The following STAT4 variants were observed in gnomAD, a reference collection of about 807,000 sequenced individuals.
The protein encoded by STAT4 is signal transducer and activator of transcription 4.
In STAT4, 42 loss-of-function variants were observed where a neutral mutation model predicts 110.5. The ratio of observed to expected loss-of-function variants is 0.38; its 90% CI spans 0.30 to 0.49. The LOEUF is 0.49. Among genes scored for constraint, STAT4 ranks in the 20% least tolerant of loss-of-function variants. STAT4 has a pLI of 0.95. For missense variants in STAT4, 632 were observed against 887.9 expected (o/e 0.71, Z 3.66); for synonymous variants, 284 against 302.2 (o/e 0.94, Z 0.63).
rs6147087 is a variant in STAT4 at position 191,125,476 on chromosome 2, T to TTTA, written c.273+21134_273+21136dup. ...AGCCATTGGCTGTGGATCCTCATTATTTATTATTATTATTATTATTATTAT... is the reference window on the plus strand; with the variant it reads ...AGCCATTGGCTGTGGATCCTCATTATTTATTATTATTATTATTATTATTATTAT... On this transcript the variant is annotated intron_variant, in intron 3 of 23. Coordinates refer to ENST00000392320, the MANE Select transcript of STAT4 (RefSeq NM_003151.4). Among the ~76,000 whole-genome samples the TTTA allele has an allele frequency of 8.6e-3, 1,188 of 137,992 alleles. 19 individuals are homozygous for TTTA. The highest frequency in any genetic ancestry group is 0.027 in the East Asian group (129 of 4,746). The allele number at this position is 137,992 out of a possible 152,430, so 90.5% of individuals were successfully genotyped here.
At chr2:191,041,227 AATAT>A in intron 14 of STAT4, 79 bp from the exon 15 acceptor site, 1 of 615,482 alleles carries the variant, frequency 1.6e-6, no homozygotes, top group Non-Finnish European at 2.3e-6. Flanking sequence ...TATATAAATT[AATAT>A]ATTTATTAAT....
At chr2:191,089,193 C>G (rs185087044) in intron 3 of STAT4, among the ~76,000 whole-genome samples, 6 of 151,948 alleles carry the variant, frequency 3.9e-5, no homozygotes, top group Admixed American at 1.3e-4. Context: ...GAATTATTAT[C>G]TAAAATATTT....
Position 191,042,407 on chromosome 2 carries a change from C to G in STAT4, c.1252-1259G>C, listed in dbSNP as rs912820143. ...CTCAGTTTATTCAATAAATATATGG[C>G]ATGTTGAAGGCGCAGATCAACCGTT... is the stretch of plus-strand genomic sequence containing the variant. On this transcript the variant is annotated intron_variant, in intron 14 of 23. Coordinates refer to ENST00000392320, the MANE Select transcript of STAT4 (RefSeq NM_003151.4). The surrounding 1 kb of genome is among the most constrained non-coding windows in gnomAD (Gnocchi z 4.2). Among the ~76,000 whole-genome samples the G allele has an allele frequency of 6.6e-6, 1 of 152,102 alleles. No homozygotes were observed. Among genetic ancestry groups the G allele is most frequent in the African/African-American group, 2.4e-5 (1 of 41,412 alleles).
At chr2:191,047,224 T>C in intron 14 of STAT4, among the ~76,000 whole-genome samples, 1 of 152,122 alleles carries the variant, frequency 6.6e-6, no homozygotes, top group East Asian at 1.9e-4. Flanking sequence ...GCCCTGTGCA[T>C]CTCTTCCACT....
At chr2:191,080,429 T>C (rs1189769177) in intron 3 of STAT4, among the ~76,000 whole-genome samples, 1 of 152,184 alleles carries the variant, frequency 6.6e-6, no homozygotes, top group Non-Finnish European at 1.5e-5. Context: ...TAAAATAATG[T>C]CTTCTGGGCC....
rs899572540 is a variant in STAT4 at position 191,138,557 on chromosome 2, A to G, written c.273+8056T>C. ...AAAACCCTCCTAAATTAAATCAGGAAGAAACAGAAACCCTGAACAGACCAA... is the reference window on the plus strand; with the variant it reads ...AAAACCCTCCTAAATTAAATCAGGAGGAAACAGAAACCCTGAACAGACCAA... On this transcript the variant is annotated intron_variant, in intron 3 of 23. Coordinates refer to ENST00000392320, the MANE Select transcript of STAT4 (RefSeq NM_003151.4). The surrounding 1 kb of genome is among the most constrained non-coding windows in gnomAD (Gnocchi z 4.3). 6.6e-6 allele frequency among the ~76,000 whole-genome samples: 1 copy of G among 152,198 alleles called. No homozygotes were observed. The highest frequency in any genetic ancestry group is 2.4e-5 in the African/African-American group (1 of 41,444).
At chr2:191,064,981 AAG>A (rs752813051) in intron 7 of STAT4, 23 bp from the exon 8 acceptor site, 1 of 1,521,946 alleles carries the variant, frequency 6.6e-7, no homozygotes, top group Non-Finnish European at 8.8e-7. Context: ...GGGACTACTG[AAG>A]AGAGTTTCAT....
chr2:191,054,678 C>G, intron 13 of STAT4, 144 bp from the exon 14 acceptor site: 1 of 642,808 alleles, frequency 1.6e-6, no homozygotes, highest in Non-Finnish European at 2.6e-6. Context: ...TGAAACCTGA[C>G]ACAACTGCCC....
At position 191,034,014 on chromosome 2, in the gene STAT4, A is replaced by G. The variant is rs1394414636; in HGVS notation, c.1621-9T>C. Reference sequence around the variant, plus strand: ...TTACCAGGTAAATGTTCCTACAGGAATAGACAAGCACATTAAGACAATGAT... The same window carrying G: ...TTACCAGGTAAATGTTCCTACAGGAGTAGACAAGCACATTAAGACAATGAT... On this transcript the variant is annotated splice_polypyrimidine_tract_variant and intron_variant, in intron 18 of 23. Coordinates refer to ENST00000392320, the MANE Select transcript of STAT4 (RefSeq NM_003151.4). 3.2e-6 allele frequency: 5 copies of G among 1,551,396 alleles called. No individual in the cohort carries two copies. Among genetic ancestry groups the G allele is most frequent in the Admixed American group, 3.6e-5 (2 of 55,550 alleles).
chr2:191,089,000 A>G (rs1697714257), intron 3 of STAT4, among the ~76,000 whole-genome samples: 1 of 152,238 alleles, frequency 6.6e-6, no homozygotes, highest in African/African-American at 2.4e-5. Context: ...AGAAGATAAC[A>G]GAAAATAATC....
chr2:191,061,677 A>G lies in STAT4; in HGVS notation c.1034+52T>C. ...TGAGAGAAATTGGCCTTGATCATCC[A>G]GAGACTATAGCTCCACAAACACACG... On this transcript the variant is annotated intron_variant, in intron 10 of 23. Coordinates refer to ENST00000392320, the MANE Select transcript of STAT4 (RefSeq NM_003151.4). The surrounding 1 kb of genome is among the most constrained non-coding windows in gnomAD (Gnocchi z 6.2). The G allele has an allele frequency of 6.5e-7, 1 of 1,544,738 alleles. No individual in the cohort carries two copies. The highest frequency in any genetic ancestry group is 9.0e-7 in the Non-Finnish European group (1 of 1,117,280).
chr2:191,134,775 G>A lies in STAT4; in HGVS notation c.273+11838C>T, dbSNP rs1358243125. On this transcript the variant is annotated intron_variant, in intron 3 of 23. Transcript: ENST00000392320. Reference sequence around the variant, plus strand: ...TAAAACCAGAAATCAACAACAAAAGGCACTTTGGAAACTGTACAAATGCAT... The same window carrying A: ...TAAAACCAGAAATCAACAACAAAAGACACTTTGGAAACTGTACAAATGCAT... 3.3e-5 allele frequency among the ~76,000 whole-genome samples: 5 copies of A among 152,180 alleles called. No homozygotes were observed. The East Asian group carries it at 7.7e-4, about 23-fold the overall frequency.
In STAT4 at chr2:191,131,950, G is replaced by A. The variant is rs1699048758; in HGVS notation, c.273+14663C>T. The A allele has an allele frequency of 2.3e-6, 3 of 1,297,216 alleles. No homozygotes were observed. In the African/African-American group the frequency reaches 4.7e-5, roughly 20 times the overall value. 80.4% of individuals were successfully genotyped at this position (1,297,216 alleles called of 1,614,324 possible). On this transcript the variant is annotated intron_variant, in intron 3 of 23. Transcript: ENST00000392320. ...ATTCTCTACACTTGTGGAGGTGTGT[G>A]TTATCTAGATTTACAACTATTCCTG...
At chr2:191,076,739 G>C (rs1238011689) in intron 3 of STAT4, among the ~76,000 whole-genome samples, 1 of 150,486 alleles carries the variant, frequency 6.6e-6, no homozygotes, top group African/African-American at 2.5e-5. Context: ...TCCACCTCCC[G>C]GGTTCAAGTG....
At chr2:191,149,084 C>T (rs1699528480) in intron 1 of STAT4, among the ~76,000 whole-genome samples, 1 of 152,152 alleles carries the variant, frequency 6.6e-6, no homozygotes, top group Admixed American at 6.6e-5. Flanking sequence ...ATGACGCTGC[C>T]TCCTTGAAAT....
In STAT4 at chr2:191,091,040, T is replaced by A. The variant is rs1419028256; in HGVS notation, c.274-14715A>T. On this transcript the variant is annotated intron_variant, in intron 3 of 23. Coordinates refer to ENST00000392320, the MANE Select transcript of STAT4 (RefSeq NM_003151.4). This position sits in a 1 kb window ranked among gnomAD's most constrained non-coding sequence, Gnocchi z 5.4. The stretch of plus-strand genomic sequence containing the variant: ...GCCCTTTGTACAAAGTCAGAGGACC[T>A]GGGTTGGTGGCTCAGTAACCTTTAC... Among the ~76,000 whole-genome samples, 4 of 152,206 alleles carry A rather than the reference T, an allele frequency of 2.6e-5. No individual in the cohort carries two copies. Among genetic ancestry groups the A allele is most frequent in the African/African-American group, 4.8e-5 (2 of 41,448 alleles).
At chr2:191,115,947 G>A (rs1228836604) in intron 3 of STAT4, among the ~76,000 whole-genome samples, 5 of 152,164 alleles carry the variant, frequency 3.3e-5, no homozygotes, top group African/African-American at 1.2e-4. Context: ...ACTTACAGAA[G>A]GCCAGATACA....
In STAT4 at chr2:191,077,200, C is replaced by T. The variant is rs1697340075; in HGVS notation, c.274-875G>A. Among the ~76,000 whole-genome samples, 1 of 152,106 alleles carries T rather than the reference C, an allele frequency of 6.6e-6. No individual in the cohort carries two copies. The highest frequency in any genetic ancestry group is 6.5e-5 in the Admixed American group (1 of 15,268). ...TTGGCAGCCTGTGGGCCTAATTCAG[C>T]CATCAGTTACTTGGTGCAAATTAAA... On this transcript the variant is annotated intron_variant, in intron 3 of 23. Transcript: ENST00000392320. This position sits in a 1 kb window ranked among gnomAD's most constrained non-coding sequence, Gnocchi z 4.1.
rs771385079 is a variant in STAT4 at position 191,069,675 on chromosome 2, GAA to G, written c.544+16_544+17del. 59 of 1,598,212 alleles carry G rather than the reference GAA, an allele frequency of 3.7e-5. No individual in the cohort carries two copies. In the Middle Eastern group the frequency reaches 5.0e-4, roughly 14 times the overall value. ...CTTTTTGTCTCTATGCATAATTATA[GAA>G]AAAACAAAAACTTACCCATTGTCTG... On this transcript the variant is annotated intron_variant, in intron 6 of 23. Transcript: ENST00000392320.
Sources: gnomAD v4.1 joint callset for allele counts (sites outside exome capture counted in the v4.1 genomes callset) on GRCh38, gnomAD v4.1.1 for gene constraint, Gnocchi (gnomAD v3.1) non-coding constraint, MANE v1.5 for transcripts, NCBI Gene and HGNC (gene_info 2026-07-23, HGNC 2026-07-21) for gene names.